The following DGKB variants were observed in gnomAD, a reference collection of about 807,000 sequenced individuals.
DGKB encodes the protein diacylglycerol kinase beta.
In DGKB, 67 loss-of-function variants were observed where a neutral mutation model predicts 114.3. The ratio of observed to expected loss-of-function variants is 0.59; its 90% confidence interval spans 0.48 to 0.72. DGKB has a LOEUF of 0.72. DGKB is among the 30% of genes least tolerant of loss of function. The pLI is 0.00. For missense variants in DGKB, 907 were observed against 975.2 expected, an observed-to-expected ratio of 0.93 and a Z score of 0.93; for synonymous variants, 398 against 323.1, an observed-to-expected ratio of 1.23 and a Z score of -2.49.
At chr7:14,279,895 C>T (rs1799659995) in intron 23 of DGKB, among the ~76,000 whole-genome samples, 1 of 151,488 alleles carries the variant, frequency 6.6e-6, no homozygotes, top group African/African-American at 2.4e-5. Flanking sequence ...TAGATAAAAC[C>T]ACAAAGATGG....
In DGKB at chr7:14,919,784, A is replaced by C. The variant is rs529908435; in HGVS notation, c.-188+54912T>G. On this transcript the variant is annotated intron_variant, in intron 1 of 4. Transcript: ENST00000437998. Reference sequence around the variant, plus strand: ...TGAATGGCTTGGTGCCATCCCCTTCATGATGAGTGAGTTCTCACTCCATTA... The same window carrying C: ...TGAATGGCTTGGTGCCATCCCCTTCCTGATGAGTGAGTTCTCACTCCATTA... 2.7e-4 allele frequency among the ~76,000 whole-genome samples: 41 copies of C among 152,318 alleles called. 1 individual carries two copies. Among genetic ancestry groups the C allele is most frequent in the Admixed American group, 2.3e-3 (35 of 15,298 alleles).
intron 1 of DGKB, among the ~76,000 whole-genome samples, chr7:14,841,750 T>C (rs1377351982): frequency 6.6e-6 from 1 of 152,222 alleles, no homozygotes; most frequent in Non-Finnish European, 1.5e-5. Context: ...AAATAAGCTC[T>C]CTAGCTCCCT....
At chr7:14,240,700 T>C (rs188032101) in intron 23 of DGKB, among the ~76,000 whole-genome samples, 4 of 152,138 alleles carry the variant, frequency 2.6e-5, no homozygotes, top group South Asian at 2.1e-4. Context: ...TATTTACTTA[T>C]AGTGGTGAGA....
In DGKB at chr7:14,890,219, T is replaced by C. The variant is rs1205556306; in HGVS notation, c.-188+12373A>G. On this transcript the variant is annotated intron_variant, in intron 1 of 25. Coordinates refer to ENST00000402815, the MANE Select transcript of DGKB (RefSeq NM_001350709.2). ...TTTAGGTCACAGCTAACCCTATTTA[T>C]ATAGCTTACGTAAAATTACATAGGA... Among the ~76,000 whole-genome samples the C allele has an allele frequency of 2.0e-5, 3 of 151,666 alleles. No homozygotes were observed. In the East Asian group the frequency reaches 5.8e-4, roughly 29 times the overall value.
At position 14,697,743 on chromosome 7, in the gene DGKB, GGAAA is replaced by G. The variant is rs749957853; in HGVS notation, c.591+348_591+351del. On this transcript the variant is annotated intron_variant, in intron 8 of 25. Transcript: ENST00000402815. ...AAGGAAGGAAGGAAAGAAAGAAGGA[GGAAA>G]GAAAGAAAGAAAGAAAGAAAGAAAC... Among the ~76,000 whole-genome samples, 769 of 119,128 alleles carry G rather than the reference GGAAA, an allele frequency of 6.5e-3. 6 individuals are homozygous for G. Among genetic ancestry groups the G allele is most frequent in the African/African-American group, 0.021 (589 of 28,016 alleles). The allele number at this position is 119,128 out of a possible 152,430, so 78.2% of individuals were successfully genotyped here.
intron 23 of DGKB, among the ~76,000 whole-genome samples, chr7:14,253,026 T>C (rs1313475358): frequency 6.6e-6 from 1 of 151,962 alleles, no homozygotes; most frequent in African/African-American, 2.4e-5. Flanking sequence ...ATGTAAATGA[T>C]TGTTTAAATT....
chr7:14,958,983 T>C (rs1158113766), intron 1 of DGKB, among the ~76,000 whole-genome samples: 1 of 152,094 alleles, frequency 6.6e-6, no homozygotes, highest in African/African-American at 2.4e-5. Flanking sequence ...AAAGTTTTAT[T>C]CTGGAATTCA....
At position 14,147,357 on chromosome 7, in the gene DGKB, T is replaced by C. The variant is rs1018361319; in HGVS notation, c.*1774A>G. 2 of 152,196 alleles carry C rather than the reference T, an allele frequency of 1.3e-5. No individual in the cohort carries two copies. Among genetic ancestry groups the C allele is most frequent in the African/African-American group, 4.8e-5 (2 of 41,462 alleles). The allele number at this position is 152,196 out of a possible 1,614,324, so 9.4% of individuals were successfully genotyped here. A position where few individuals can be genotyped will look rare whatever the true frequency, so the allele number is the denominator to read the frequency against. ...TTTATTTTTAAAGTAATTAAGCTTA[T>C]TGTTGATTGATATTTACCGTCCAAT... On this transcript the variant is annotated 3_prime_UTR_variant, in exon 26 of 26. Coordinates refer to ENST00000402815, the MANE Select transcript of DGKB (RefSeq NM_001350709.2).
intron 1 of DGKB, among the ~76,000 whole-genome samples, chr7:14,925,286 C>T (rs777551435): frequency 2.0e-5 from 3 of 152,134 alleles, no homozygotes; most frequent in Non-Finnish European, 2.9e-5. Flanking sequence ...GGGATTAATG[C>T]TGAGGAGTAA....
intron 1 of DGKB, among the ~76,000 whole-genome samples, chr7:14,877,995 G>C (rs911033765): frequency 4.0e-5 from 6 of 151,022 alleles, no homozygotes; most frequent in Admixed American, 1.3e-4. Context: ...AATTCTTATA[G>C]AAGGACAAAT....
At chr7:14,801,987 A>T (rs1022213182) in intron 2 of DGKB, among the ~76,000 whole-genome samples, 1 of 151,828 alleles carries the variant, frequency 6.6e-6, no homozygotes, top group Non-Finnish European at 1.5e-5. Context: ...ACATACGTAT[A>T]TATGTTTCTG....
intron 23 of DGKB, among the ~76,000 whole-genome samples, chr7:14,241,526 C>G (rs1466757935): frequency 6.6e-6 from 1 of 152,036 alleles, no homozygotes; most frequent in Non-Finnish European, 1.5e-5. Context: ...CTTAAGAAAT[C>G]AGCTGACTTT....
intron 23 of DGKB, among the ~76,000 whole-genome samples, chr7:14,187,474 T>C (rs17763495): frequency 0.12 from 18,704 of 152,158 alleles, 1,252 homozygotes; most frequent in Admixed American, 0.2. Flanking sequence ...CCAGTGATAA[T>C]TCTGCTTTCC....
At chr7:14,385,379 G>A (rs529832267) in intron 21 of DGKB, among the ~76,000 whole-genome samples, 5 of 152,274 alleles carry the variant, frequency 3.3e-5, no homozygotes, top group Admixed American at 6.5e-5. Flanking sequence ...AACCTGATGA[G>A]GCTGCTATTT....
intron 23 of DGKB, among the ~76,000 whole-genome samples, chr7:14,305,661 G>T (rs935757458): frequency 2.0e-5 from 3 of 152,230 alleles, no homozygotes; most frequent in African/African-American, 4.8e-5. Context: ...TGGCCTCAGG[G>T]TTGACGGTCT....
chr7:14,647,256 C>A (rs1813226593), intron 13 of DGKB, among the ~76,000 whole-genome samples: 1 of 151,810 alleles, frequency 6.6e-6, no homozygotes, highest in South Asian at 2.1e-4. Flanking sequence ...CAAAATTGAA[C>A]CAAGAAGAAA....
At chr7:14,618,904 GA>G (rs1807075690) in intron 15 of DGKB, among the ~76,000 whole-genome samples, 1 of 151,112 alleles carries the variant, frequency 6.6e-6, no homozygotes. Flanking sequence ...AAAGCTCATG[GA>G]AAAAATTAAC....
At chr7:14,185,143 A>G (rs1783216993) in intron 23 of DGKB, among the ~76,000 whole-genome samples, 1 of 152,196 alleles carries the variant, frequency 6.6e-6, no homozygotes, top group African/African-American at 2.4e-5. Flanking sequence ...CTCCTCCAGA[A>G]AGCTCCTAGA....
intron 20 of DGKB, among the ~76,000 whole-genome samples, chr7:14,480,707 T>C (rs1373730269): frequency 1.3e-5 from 2 of 152,134 alleles, no homozygotes; most frequent in African/African-American, 4.8e-5. Context: ...AATTCAGACT[T>C]TCTACTTCCA....
Sources: allele counts gnomAD v4.1 joint callset (sites outside exome capture counted in the v4.1 genomes callset), GRCh38; gene constraint gnomAD v4.1.1; transcripts MANE v1.5; gene names NCBI Gene and HGNC (gene_info 2026-07-23, HGNC 2026-07-21).